The following PAK1 variants were observed in gnomAD, a reference collection of about 807,000 sequenced individuals.
PAK1 encodes serine/threonine-protein kinase PAK 1.
Under a neutral mutation model 67.4 loss-of-function variants are expected in PAK1, and 29 were observed. The observed-to-expected ratio is 0.43, with a 90% CI of 0.32 to 0.59. The LOEUF (loss-of-function observed/expected upper bound fraction) is 0.59, where lower values mean the gene tolerates loss of function less well. Among genes scored for constraint, PAK1 ranks in the 20% least tolerant of loss-of-function variants. PAK1 has a pLI of 0.07. For synonymous variants in PAK1, 223 were observed against 237.4 expected, an observed-to-expected ratio of 0.94 and a Z score of 0.56; for missense variants, 337 against 670.7, an observed-to-expected ratio of 0.50 and a Z score of 5.50.
chr11:77,430,884 T>TG (rs1482993885), intron 1 of PAK1, among the ~76,000 whole-genome samples: 1 of 152,202 alleles, frequency 6.6e-6, no homozygotes, highest in African/African-American at 2.4e-5. Context: ...TGTTAGGAAC[T>TG]GGGCCTCACA....
At chr11:77,413,713 A>AAAGG (rs535630670) in intron 1 of PAK1, among the ~76,000 whole-genome samples, 3 of 152,016 alleles carry the variant, frequency 2.0e-5, no homozygotes, top group Non-Finnish European at 4.4e-5. Flanking sequence ...AAAGGAAAGA[A>AAAGG]AAGGAAGGAA....
At chr11:77,408,556 C>CACACAA (rs1405235457) in intron 1 of PAK1, among the ~76,000 whole-genome samples, 1 of 151,810 alleles carries the variant, frequency 6.6e-6, no homozygotes, top group African/African-American at 2.4e-5. Flanking sequence ...CACACACACA[C>CACACAA]ACACACACAC....
chr11:77,427,699 CA>C (rs1955623682), intron 1 of PAK1, among the ~76,000 whole-genome samples: 1 of 151,904 alleles, frequency 6.6e-6, no homozygotes. Flanking sequence ...GAATCAGAGG[CA>C]ACAGATATGT....
chr11:77,475,687 C>A (rs542062098), upstream of PAK1: 13 of 152,302 alleles, frequency 8.5e-5, no homozygotes, highest in African/African-American at 3.1e-4. Context: ...TATTCATATT[C>A]ATTTGACTAA....
intron 1 of PAK1, among the ~76,000 whole-genome samples, chr11:77,404,981 GA>G (rs1953267166): frequency 6.6e-6 from 1 of 152,242 alleles, no homozygotes; most frequent in African/African-American, 2.4e-5. Context: ...GTGTGAATAT[GA>G]GGGGGAGGCG....
At chr11:77,529,467 T>G in the PAK1 span, among the ~76,000 whole-genome samples, 1 of 152,222 alleles carries the variant, frequency 6.6e-6, no homozygotes, top group East Asian at 1.9e-4. Flanking sequence ...GGCAACCTTT[T>G]ACATTAGAAA....
At chr11:77,384,014 T>C (rs1950159759) in intron 2 of PAK1, among the ~76,000 whole-genome samples, 1 of 152,228 alleles carries the variant, frequency 6.6e-6, no homozygotes, top group Non-Finnish European at 1.5e-5. Context: ...CAATGGTGCA[T>C]GCTCTGTGTA....
chr11:77,355,754 G>C lies in PAK1; in HGVS notation c.686C>G (p.Thr229Ser). ...CCGGGTCAAAGCATCTGGTGGAGTG[G>C]TGTTATTTTCAGTAGGTGAAATGGG... ...TSPISPTENN[T>S]TPPDALTRNT... The change falls in exon 7 of 15, where the codon ACC becomes AGC. Residue 229 changes from threonine (T) to serine (S), a missense_variant. This residue lies in a region of PAK1 where 150 missense variants were observed against 179.0 expected (regional missense o/e 0.84). Transcript: ENST00000356341. The C allele has an allele frequency of 6.2e-7, 1 of 1,612,870 alleles. No homozygotes were observed. Among genetic ancestry groups the C allele is most frequent in the East Asian group, 2.2e-5 (1 of 44,870 alleles).
At chr11:77,492,797 G>A in the PAK1 span, among the ~76,000 whole-genome samples, 1 of 152,066 alleles carries the variant, frequency 6.6e-6, no homozygotes, top group Non-Finnish European at 1.5e-5. Flanking sequence ...CCTTGGTACT[G>A]TATAGTGATC....
rs1188358768 is a variant in PAK1 at position 77,429,929 on chromosome 11, T to C, written c.-21-37388A>G. The stretch of plus-strand genomic sequence containing the variant: ...GATGGAGGGTCATGTCAGCAACTCA[T>C]TCTCAAATGACCCAGAAAAACTAAG... On this transcript the variant is annotated intron_variant, in intron 1 of 14. Coordinates refer to ENST00000356341, the MANE Select transcript of PAK1 (RefSeq NM_002576.5). Among the ~76,000 whole-genome samples the C allele has an allele frequency of 2.6e-5, 4 of 152,218 alleles. No individual in the cohort carries two copies. The East Asian group carries it at 7.7e-4, about 29-fold the overall frequency.
chr11:77,488,043 C>A, the PAK1 span, among the ~76,000 whole-genome samples: 1 of 152,248 alleles, frequency 6.6e-6, no homozygotes, highest in Non-Finnish European at 1.5e-5. Context: ...GCTTGTATCA[C>A]TCCTCTTCCA....
At chr11:77,390,558 ATGAT>A (rs1320829477) in intron 2 of PAK1, among the ~76,000 whole-genome samples, 1 of 150,964 alleles carries the variant, frequency 6.6e-6, no homozygotes, top group Non-Finnish European at 1.5e-5. Context: ...GTGCAGTGGC[ATGAT>A]CACAGCTCAC....
At chr11:77,379,462 T>C (rs1178175216) in intron 3 of PAK1, 74 bp from the exon 4 acceptor site, 10 of 1,423,486 alleles carry the variant, frequency 7.0e-6, no homozygotes, top group African/African-American at 1.4e-5. Flanking sequence ...AGAGCTAACT[T>C]TGACACTTGC....
intron 13 of PAK1, among the ~76,000 whole-genome samples, chr11:77,334,871 T>G (rs1942390266): frequency 6.6e-6 from 1 of 152,206 alleles, no homozygotes; most frequent in Non-Finnish European, 1.5e-5. Context: ...TGTCCTCTTC[T>G]TCCACTTTCA....
At chr11:77,393,528 C>T (rs1365501614) in intron 1 of PAK1, among the ~76,000 whole-genome samples, 1 of 152,094 alleles carries the variant, frequency 6.6e-6, no homozygotes, top group African/African-American at 2.4e-5. Flanking sequence ...AACTCCAGGT[C>T]TCAATCAATC....
intron 2 of PAK1, 48 bp downstream of exon 2, chr11:77,392,283 A>G: frequency 7.6e-7 from 1 of 1,315,870 alleles, no homozygotes; most frequent in Non-Finnish European, 1.0e-6. Flanking sequence ...TACCCAAAAT[A>G]ATTTTTTTAA....
the PAK1 span, among the ~76,000 whole-genome samples, chr11:77,511,226 A>C: frequency 6.6e-6 from 1 of 152,180 alleles, no homozygotes; most frequent in Admixed American, 6.5e-5. Flanking sequence ...ATTTATTATT[A>C]AGGCTTCAGC....
At position 77,322,226 on chromosome 11, in the gene PAK1, G is replaced by A. The variant is rs1938624411; in HGVS notation, c.*1048C>T. 2 of 198,342 alleles carry A rather than the reference G, an allele frequency of 1.0e-5. No homozygotes were observed. Among genetic ancestry groups the A allele is most frequent in the South Asian group, 1.9e-4 (1 of 5,206 alleles). The allele number at this position is 198,342 out of a possible 1,614,324, so 12.3% of individuals were successfully genotyped here. A position where few individuals can be genotyped will look rare whatever the true frequency, so the allele number is the denominator to read the frequency against. On this transcript the variant is annotated 3_prime_UTR_variant, in exon 15 of 15. Coordinates refer to ENST00000356341, the MANE Select transcript of PAK1 (RefSeq NM_002576.5). ...CCCAGTGTAAGCATTTCCATTTGCA[G>A]AGAGCTTGGCCATGCATCTTAAAAA... is the stretch of plus-strand genomic sequence containing the variant.
chr11:77,404,430 G>A (rs944431015), intron 1 of PAK1, among the ~76,000 whole-genome samples: 1 of 151,934 alleles, frequency 6.6e-6, no homozygotes, highest in Admixed American at 6.6e-5. Flanking sequence ...ACCACACCAG[G>A]CTAATTTTTT....
Sources: gnomAD v4.1 joint callset for allele counts (sites outside exome capture counted in the v4.1 genomes callset) on GRCh38, gnomAD v4.1.1 for gene constraint, gnomAD v4.1.1 regional missense constraint, MANE v1.5 for transcripts, NCBI Gene and HGNC (gene_info 2026-07-23, HGNC 2026-07-21) for gene names.